MBNL1: variants seen among roughly 807,000 people sequenced by gnomAD.
MBNL1 encodes muscleblind like splicing regulator 1.
In MBNL1, 8 loss-of-function variants were observed where a neutral mutation model predicts 42.2. The observed-to-expected ratio is 0.19, with a 90% CI of 0.11 to 0.34. The LOEUF (loss-of-function observed/expected upper bound fraction) is 0.34. Among genes scored for constraint, MBNL1 ranks in the 10% least tolerant of loss-of-function variants. The pLI is 1.00. For synonymous variants in MBNL1, 169 were observed against 173.9 expected (o/e 0.97, Z 0.22); for missense variants, 309 against 495.3 (o/e 0.62, Z 3.57).
chr3:152,441,487 G>T (rs1387099975), intron 4 of MBNL1, among the ~76,000 whole-genome samples: 1 of 152,096 alleles, frequency 6.6e-6, no homozygotes. Flanking sequence ...CACAATTTTT[G>T]ACTCCAAACC....
At chr3:152,397,431 C>T (rs925878993) in intron 2 of MBNL1, among the ~76,000 whole-genome samples, 1 of 152,104 alleles carries the variant, frequency 6.6e-6, no homozygotes, top group Non-Finnish European at 1.5e-5. Context: ...TTGTTCAACT[C>T]CTACTTACAC....
intron 2 of MBNL1, among the ~76,000 whole-genome samples, chr3:152,305,079 T>G (rs1288927097): frequency 6.6e-6 from 1 of 152,196 alleles, no homozygotes. Flanking sequence ...AATTTAGACC[T>G]CAAGCAATGT....
intron 9 of MBNL1, among the ~76,000 whole-genome samples, chr3:152,460,109 G>T (rs1320776413): frequency 2.6e-5 from 4 of 151,862 alleles, no homozygotes; most frequent in African/African-American, 7.3e-5. Flanking sequence ...AAAAAAATCA[G>T]CTGGGTATGG....
chr3:152,396,552 T>C (rs1318254799), intron 2 of MBNL1, among the ~76,000 whole-genome samples: 1 of 152,242 alleles, frequency 6.6e-6, no homozygotes, highest in Non-Finnish European at 1.5e-5. Context: ...TTCAGGTTAA[T>C]TGAATCTGCT....
rs543914487 is a variant in MBNL1 at position 152,410,307 on chromosome 3, C to T, written c.175-4634C>T. On this transcript the variant is annotated intron_variant, in intron 2 of 9. Coordinates refer to ENST00000324210, the MANE Select transcript of MBNL1 (RefSeq NM_021038.5). ...ATGAGATAATTCTTAAATTCACAAT[C>T]GAACAACTTACAACTTCAGAAATTA... Among the ~76,000 whole-genome samples, 29 of 152,172 alleles carry T rather than the reference C, an allele frequency of 1.9e-4. No homozygotes were observed. In the South Asian group the frequency reaches 5.0e-3, roughly 26 times the overall value.
At chr3:152,323,283 TA>T (rs1177993541) in intron 2 of MBNL1, among the ~76,000 whole-genome samples, 1 of 152,150 alleles carries the variant, frequency 6.6e-6, no homozygotes, top group East Asian at 1.9e-4. Context: ...TATACCCATA[TA>T]AAATTCATTT....
chr3:152,256,188 T>C (rs1287481774), intron 2 of MBNL1, among the ~76,000 whole-genome samples: 3 of 152,310 alleles, frequency 2.0e-5, no homozygotes, highest in African/African-American at 7.2e-5. Context: ...GGAGATAAAT[T>C]ATTACATTTA....
At chr3:152,420,430 A>T (rs191053723) in intron 3 of MBNL1, among the ~76,000 whole-genome samples, 1 of 152,320 alleles carries the variant, frequency 6.6e-6, no homozygotes, top group African/African-American at 2.4e-5. Context: ...AAAAGGCAGC[A>T]ATCATTGCTG....
intron 2 of MBNL1, among the ~76,000 whole-genome samples, chr3:152,368,924 G>GT (rs1332342930): frequency 6.6e-6 from 1 of 152,174 alleles, no homozygotes; most frequent in East Asian, 1.9e-4. Context: ...AGACAGTGAG[G>GT]TTTTCTAAAT....
intron 2 of MBNL1, among the ~76,000 whole-genome samples, chr3:152,413,806 T>G (rs905586645): frequency 2.4e-4 from 36 of 152,236 alleles, no homozygotes; most frequent in Admixed American, 2.0e-3. Flanking sequence ...TGATGAGATC[T>G]GCTACTATTG....
At chr3:152,405,884 G>T (rs966668938) in intron 2 of MBNL1, among the ~76,000 whole-genome samples, 3 of 152,110 alleles carry the variant, frequency 2.0e-5, no homozygotes, top group African/African-American at 7.2e-5. Flanking sequence ...GTCTGATTTG[G>T]ATGTCATAAA....
chr3:152,362,648 C>T (rs1196598052), intron 2 of MBNL1, among the ~76,000 whole-genome samples: 3 of 152,114 alleles, frequency 2.0e-5, no homozygotes, highest in Non-Finnish European at 4.4e-5. Context: ...TGGCCTCCAC[C>T]TGCTAGTAAC....
intron 1 of MBNL1, among the ~76,000 whole-genome samples, chr3:152,272,925 A>G (rs774561088): frequency 5.3e-5 from 8 of 152,218 alleles, no homozygotes; most frequent in African/African-American, 4.8e-5. Context: ...TAGCCATATA[A>G]AGTATGCTTA....
At chr3:152,357,642 A>T (rs566366903) in intron 2 of MBNL1, among the ~76,000 whole-genome samples, 1 of 152,102 alleles carries the variant, frequency 6.6e-6, no homozygotes, top group African/African-American at 2.4e-5. Context: ...GAGAAAGGGT[A>T]TGTAGACAAC....
At chr3:152,451,851 TTAA>T (rs1372634039) in intron 6 of MBNL1, among the ~76,000 whole-genome samples, 1 of 152,230 alleles carries the variant, frequency 6.6e-6, no homozygotes, top group Non-Finnish European at 1.5e-5. Context: ...AAGGTTGGCA[TTAA>T]TATTTTCATT....
At chr3:152,376,760 C>T (rs2096919060) in intron 2 of MBNL1, among the ~76,000 whole-genome samples, 2 of 151,558 alleles carry the variant, frequency 1.3e-5, no homozygotes, top group South Asian at 4.2e-4. Context: ...TGAGGGGTGC[C>T]ACGCACTCTC....
chr3:152,452,307 G>A (rs1420998478), intron 6 of MBNL1, among the ~76,000 whole-genome samples: 1 of 151,824 alleles, frequency 6.6e-6, no homozygotes, highest in Non-Finnish European at 1.5e-5. Context: ...TTTTTTCGTT[G>A]AAATTAAGTC....
chr3:152,243,813 T>C (rs1215197662), upstream of MBNL1: 1 of 152,156 alleles, frequency 6.6e-6, no homozygotes, highest in Admixed American at 6.6e-5. Context: ...TTTCTTTTCT[T>C]TTCTTTTTTG....
chr3:152,418,896 T>C (rs961735924), intron 3 of MBNL1, among the ~76,000 whole-genome samples: 46 of 152,092 alleles, frequency 3.0e-4, no homozygotes, highest in African/African-American at 1.1e-3. Flanking sequence ...TTTTATAGTT[T>C]TTGTAGAGGC....
Sources: allele counts gnomAD v4.1 joint callset (sites outside exome capture counted in the v4.1 genomes callset), GRCh38; gene constraint gnomAD v4.1.1; transcripts MANE v1.5; gene names NCBI Gene and HGNC (gene_info 2026-07-23, HGNC 2026-07-21).